The following B4GALT6 variants were observed in gnomAD, a reference collection of about 807,000 sequenced individuals.
The protein encoded by B4GALT6 is UDP-Gal:beta-GlcNAc beta-1,4-galactosyltransferase 6.
B4GALT6 carries 14 observed loss-of-function variants against 46.3 expected under a neutral mutation model. That is an observed-to-expected ratio of 0.30 (90% CI 0.20 to 0.47). The LOEUF is 0.47. B4GALT6 is among the 20% of genes least tolerant of loss of function. The pLI is 0.99. For synonymous variants in B4GALT6, 168 were observed against 162.0 expected (o/e 1.04, Z -0.28); for missense variants, 386 against 480.1 (o/e 0.80, Z 1.83).
At chr18:31,690,218 G>A (rs193186525), upstream of B4GALT6, among the ~76,000 whole-genome samples, 18 of 152,116 alleles carry the variant, frequency 1.2e-4, no homozygotes, top group African/African-American at 3.6e-4. Flanking sequence ...TGCAATTTAC[G>A]CCTCCTGGGT....
At chr18:31,644,979 A>C (rs535821770) in intron 4 of B4GALT6, among the ~76,000 whole-genome samples, 2 of 152,348 alleles carry the variant, frequency 1.3e-5, no homozygotes, top group African/African-American at 4.8e-5. Flanking sequence ...GAAACTGGTG[A>C]GGCTATGCTT....
chr18:31,687,069 C>T (rs1028425784), upstream of B4GALT6, among the ~76,000 whole-genome samples: 3 of 152,166 alleles, frequency 2.0e-5, no homozygotes, highest in African/African-American at 7.2e-5. Context: ...TCGGTTTCTC[C>T]CCTAATTTTA....
the B4GALT6 span, among the ~76,000 whole-genome samples, chr18:31,709,990 G>A: frequency 6.6e-6 from 1 of 151,702 alleles, no homozygotes; most frequent in African/African-American, 2.4e-5. Context: ...AGCTACTCAG[G>A]AGGCTGAAAC....
rs1157399137 is a variant in B4GALT6, at chr18:31,625,401, T to C, written c.*213A>G. On this transcript the variant is annotated 3_prime_UTR_variant, in exon 9 of 9. Coordinates refer to ENST00000306851, the MANE Select transcript of B4GALT6 (RefSeq NM_004775.5). ...ATCTTAAGTAGTGGCTTCCCGTTTCTGCGGTGCTCGCCACAGGGGTGTGTC... is the reference window on the plus strand; with the variant it reads ...ATCTTAAGTAGTGGCTTCCCGTTTCCGCGGTGCTCGCCACAGGGGTGTGTC... 1.3e-5 allele frequency: 6 copies of C among 449,954 alleles called. No individual in the cohort carries two copies. The highest frequency in any genetic ancestry group is 1.0e-4 in the African/African-American group (5 of 48,906). The allele number at this position is 449,954 out of a possible 1,614,324, so 27.9% of individuals were successfully genotyped here. A position where few individuals can be genotyped will look rare whatever the true frequency, so the allele number is the denominator to read the frequency against.
At chr18:31,665,072 T>C (rs1021799210) in intron 2 of B4GALT6, among the ~76,000 whole-genome samples, 1 of 152,236 alleles carries the variant, frequency 6.6e-6, no homozygotes, top group Non-Finnish European at 1.5e-5. Flanking sequence ...GGTCTAAAAC[T>C]ATCACCCACC....
the B4GALT6 span, among the ~76,000 whole-genome samples, chr18:31,694,504 T>C: frequency 3.3e-5 from 5 of 152,044 alleles, no homozygotes; most frequent in African/African-American, 1.2e-4. Context: ...TCGCTCAGAG[T>C]CTCTCTAAAC....
Position 31,631,196 on chromosome 18 carries a change from T to C in B4GALT6, c.589-50A>G, listed in dbSNP as rs779003247. ...AAAATAGAAATGTACTCACACTTCATCATCTTTTTTTTTTTTTTTCTTTTT... is the reference window on the plus strand; with the variant it reads ...AAAATAGAAATGTACTCACACTTCACCATCTTTTTTTTTTTTTTTCTTTTT... On this transcript the variant is annotated intron_variant, in intron 5 of 8. Coordinates refer to ENST00000306851, the MANE Select transcript of B4GALT6 (RefSeq NM_004775.5). 10 of 1,174,594 alleles carry C rather than the reference T, an allele frequency of 8.5e-6. No individual in the cohort carries two copies. In the African/African-American group the frequency reaches 1.8e-4, roughly 21 times the overall value. 72.8% of individuals were successfully genotyped at this position (1,174,594 alleles called of 1,614,324 possible). A position where few individuals can be genotyped will look rare whatever the true frequency, so the allele number is the denominator to read the frequency against.
chr18:31,712,014 C>T, the B4GALT6 span, among the ~76,000 whole-genome samples: 1 of 152,158 alleles, frequency 6.6e-6, no homozygotes, highest in Admixed American at 6.5e-5. Context: ...CTCCTCCCAC[C>T]CTGCATTTAA....
chr18:31,708,489 C>A, the B4GALT6 span, among the ~76,000 whole-genome samples: 1 of 151,952 alleles, frequency 6.6e-6, no homozygotes, highest in African/African-American at 2.4e-5. Context: ...TGCTTGAACC[C>A]GGGAGGCAGA....
the B4GALT6 span, among the ~76,000 whole-genome samples, chr18:31,702,537 C>A: frequency 1.3e-5 from 2 of 152,092 alleles, no homozygotes; most frequent in African/African-American, 4.8e-5. Flanking sequence ...TCTTTGGGAT[C>A]CCTGTAGGCA....
intron 1 of B4GALT6, among the ~76,000 whole-genome samples, chr18:31,674,323 G>A (rs1392859731): frequency 6.6e-6 from 1 of 152,302 alleles, no homozygotes; most frequent in South Asian, 2.1e-4. Context: ...AGGCCACAGA[G>A]GAGAGGGAGA....
the B4GALT6 span, among the ~76,000 whole-genome samples, chr18:31,697,949 G>A: frequency 6.6e-6 from 1 of 152,012 alleles, no homozygotes; most frequent in Non-Finnish European, 1.5e-5. Flanking sequence ...TCTCAATAAT[G>A]TGTTTTCATT....
At chr18:31,647,143 C>T (rs1284793940) in intron 3 of B4GALT6, among the ~76,000 whole-genome samples, 1 of 152,170 alleles carries the variant, frequency 6.6e-6, no homozygotes, top group Admixed American at 6.5e-5. Context: ...AAATCTGATA[C>T]ATTTAATAGT....
At chr18:31,712,253 T>A in the B4GALT6 span, among the ~76,000 whole-genome samples, 1 of 150,230 alleles carries the variant, frequency 6.7e-6, no homozygotes, top group Non-Finnish European at 1.5e-5. Context: ...TAGTTCGGAG[T>A]TGCCCTTGTT....
the B4GALT6 span, among the ~76,000 whole-genome samples, chr18:31,701,553 A>G: frequency 6.6e-6 from 1 of 152,192 alleles, no homozygotes; most frequent in Non-Finnish European, 1.5e-5. Flanking sequence ...ATAGTCATAG[A>G]GAAGGAACAA....
At chr18:31,692,646 C>T in the B4GALT6 span, among the ~76,000 whole-genome samples, 2 of 152,108 alleles carry the variant, frequency 1.3e-5, no homozygotes, top group Non-Finnish European at 2.9e-5. Flanking sequence ...GAATCATCTC[C>T]ATTCAAATAA....
chr18:31,644,122 G>A (rs949171235), intron 4 of B4GALT6, among the ~76,000 whole-genome samples: 2 of 152,166 alleles, frequency 1.3e-5, no homozygotes, highest in African/African-American at 2.4e-5. Context: ...ATAGTGTAAG[G>A]TAATTATAAA....
At chr18:31,714,503 T>C in the B4GALT6 span, among the ~76,000 whole-genome samples, 1 of 152,160 alleles carries the variant, frequency 6.6e-6, no homozygotes, top group Non-Finnish European at 1.5e-5. Flanking sequence ...GAAGGCAAAG[T>C]GTGTCTTTAG....
intron 1 of B4GALT6, among the ~76,000 whole-genome samples, chr18:31,670,809 G>A (rs1349776208): frequency 6.6e-6 from 1 of 151,928 alleles, no homozygotes; most frequent in Non-Finnish European, 1.5e-5. Flanking sequence ...AGAATGTGCA[G>A]GTTACATAGG....
Sources: allele counts gnomAD v4.1 joint callset (sites outside exome capture counted in the v4.1 genomes callset), GRCh38; gene constraint gnomAD v4.1.1; transcripts MANE v1.5; gene names NCBI Gene and HGNC (gene_info 2026-07-23, HGNC 2026-07-21).